Variants in ALKBH8 observed in about 807,000 individuals in gnomAD.
The protein encoded by ALKBH8 is tRNA (carboxymethyluridine(34)-5-O)-methyltransferase ALKBH8.
A neutral mutation model predicts 59.8 loss-of-function variants in ALKBH8; 36 were observed. The observed-to-expected ratio is 0.60, with a 90% CI of 0.46 to 0.79. The LOEUF is 0.79. ALKBH8 is among the 30% of genes least tolerant of loss of function. The probability of loss-of-function intolerance (pLI) is 0.00; values close to 1 mark genes in which losing one functional copy is unlikely to be tolerated. For missense variants in ALKBH8, 768 were observed against 801.0 expected (o/e 0.96, Z 0.50); for synonymous variants, 276 against 273.6 (o/e 1.01, Z -0.09).
Position 107,510,933 on chromosome 11 carries a change from C to G in ALKBH8, c.1391G>C (p.Cys464Ser). The G allele has an allele frequency of 1.9e-6, 3 of 1,551,748 alleles. No individual in the cohort carries two copies. The East Asian group carries it at 7.3e-5, about 38-fold the overall frequency. ...AACAGCAATGGAGATGCAGGCATCA[C>G]AAGACCCACTGCGGACTGGTACTGC... ...ALAVPVRSGS[C>S]DACISIAVIH... The change falls in exon 11 of 12, where the codon TGT becomes TCT. Residue 464 changes from cysteine to serine, a missense_variant. Coordinates refer to ENST00000428149, the MANE Select transcript of ALKBH8 (RefSeq NM_138775.3).
chr11:107,541,456 CT>C (rs1414526292), intron 7 of ALKBH8, among the ~76,000 whole-genome samples: 4 of 152,154 alleles, frequency 2.6e-5, no homozygotes, highest in Non-Finnish European at 5.9e-5. Context: ...TACACATAGT[CT>C]TTAACTTCTT....
chr11:107,540,096 A>G (rs1440220909), intron 7 of ALKBH8, among the ~76,000 whole-genome samples: 1 of 152,068 alleles, frequency 6.6e-6, no homozygotes, highest in African/African-American at 2.4e-5. Context: ...TGAGAGGCAG[A>G]ACATCGTTTG....
At chr11:107,542,876 C>T (rs1175554099) in intron 7 of ALKBH8, among the ~76,000 whole-genome samples, 1 of 152,150 alleles carries the variant, frequency 6.6e-6, no homozygotes, top group Non-Finnish European at 1.5e-5. Flanking sequence ...TGCCACTGCA[C>T]TCCAGCCTGG....
intron 8 of ALKBH8, among the ~76,000 whole-genome samples, chr11:107,529,272 G>C (rs1015193834): frequency 6.6e-6 from 1 of 152,100 alleles, no homozygotes; most frequent in African/African-American, 2.4e-5. Flanking sequence ...AAAGTTTTTA[G>C]AACAATGCCT....
Position 107,549,828 on chromosome 11 carries a change from G to A in ALKBH8, c.701-5C>T. 6.5e-7 allele frequency: 1 copy of A among 1,541,818 alleles called. No individual in the cohort carries two copies. The highest frequency in any genetic ancestry group is 8.8e-7 in the Non-Finnish European group (1 of 1,138,572). ...TATCAATATGAGCGGGAATTCCTGA[G>A]ATGGAAAACAGGACAACACGTCACT... On this transcript the variant is annotated splice_region_variant and splice_polypyrimidine_tract_variant and intron_variant, in intron 6 of 11. Transcript: ENST00000428149.
In ALKBH8 at chr11:107,549,840, G is replaced by A. The variant is rs202145795; in HGVS notation, c.701-17C>T. On this transcript the variant is annotated splice_polypyrimidine_tract_variant and intron_variant, in intron 6 of 11. Transcript: ENST00000428149. ...CGGGAATTCCTGAGATGGAAAACAG[G>A]ACAACACGTCACTTCATTTTTTCCT... The A allele has an allele frequency of 1.6e-4, 247 of 1,514,100 alleles. No individual in the cohort carries two copies. The highest frequency in any genetic ancestry group is 1.6e-4 in the Admixed American group (8 of 50,562). 93.8% of individuals were successfully genotyped at this position (1,514,100 alleles called of 1,614,324 possible).
At chr11:107,565,509 C>G (rs1865096605) in intron 1 of ALKBH8, 92 bp downstream of exon 1, 1 of 1,523,358 alleles carries the variant, frequency 6.6e-7, no homozygotes, top group African/African-American at 1.4e-5. Flanking sequence ...TCAGCCCTAG[C>G]TGGCAAGGCG....
chr11:107,555,153 G>A (rs1404829527), intron 3 of ALKBH8, among the ~76,000 whole-genome samples: 6 of 152,056 alleles, frequency 3.9e-5, no homozygotes, highest in African/African-American at 9.7e-5. Context: ...TCAGCTTCTC[G>A]GGAGGCTGAG....
intron 7 of ALKBH8, among the ~76,000 whole-genome samples, chr11:107,545,300 A>G (rs1565339684): frequency 6.6e-6 from 1 of 152,200 alleles, no homozygotes; most frequent in Non-Finnish European, 1.5e-5. Context: ...TTAAAACAAT[A>G]AACTCTTAGA....
chr11:107,551,796 A>C lies in ALKBH8; in HGVS notation c.700+12T>G. ...AATATGTGACTAAAATTTTTGAACA[A>C]GAAATACTCACCTTGCCCAGGTTCA... On this transcript the variant is annotated intron_variant, in intron 6 of 11. Transcript: ENST00000428149. 1 of 1,519,670 alleles carries C rather than the reference A, an allele frequency of 6.6e-7. No individual in the cohort carries two copies. The highest frequency in any genetic ancestry group is 8.8e-7 in the Non-Finnish European group (1 of 1,138,646). 94.1% of individuals were successfully genotyped at this position (1,519,670 alleles called of 1,614,324 possible).
Position 107,505,164 on chromosome 11 carries a change from C to T in ALKBH8, c.1489G>A (p.Gly497Arg). Residue 497 changes from glycine to arginine, a missense_variant, in exon 12 of 12, where the codon GGG becomes AGG. Physicochemically the swap from Gly to Arg is moderately radical, Grantham distance 125 (BLOSUM62 -2). Transcript: ENST00000428149. ...GCCCAGACATAAATGAGTGCCTTCC[C>T]ACCTGGTCTCAGGAGTCGAACAATT... Reference protein sequence around the residue: ...QEIVRLLRPGGKALIYVWAME... With the variant: ...QEIVRLLRPGRKALIYVWAME... 1 of 1,550,740 alleles carries T rather than the reference C, an allele frequency of 6.4e-7. No individual in the cohort carries two copies. Among genetic ancestry groups the T allele is most frequent in the Non-Finnish European group, 8.7e-7 (1 of 1,146,622 alleles).
chr11:107,515,601 C>T (rs983095960), intron 10 of ALKBH8, among the ~76,000 whole-genome samples: 3 of 152,158 alleles, frequency 2.0e-5, no homozygotes, highest in African/African-American at 7.2e-5. Flanking sequence ...AGGCAGTCTT[C>T]CCACCTCGGC....
At position 107,531,433 on chromosome 11, in the gene ALKBH8, A is replaced by G. The variant is rs147218389; in HGVS notation, c.878+867T>C. ...ACAAACTCAAATTGCAAAACATTCT[A>G]TAACACAACCGGCCTCCTCAAAAGA... On this transcript the variant is annotated intron_variant, in intron 8 of 11. Transcript: ENST00000428149. Among the ~76,000 whole-genome samples the G allele has an allele frequency of 3.9e-5, 6 of 152,312 alleles. No homozygotes were observed. The East Asian group carries it at 1.2e-3, about 29-fold the overall frequency.
intron 10 of ALKBH8, among the ~76,000 whole-genome samples, chr11:107,512,300 A>AG (rs57492579): frequency 0.57 from 73,297 of 129,062 alleles, 18,603 homozygotes; most frequent in Non-Finnish European, 0.61. Context: ...TTTTATTTTA[A>AG]GGGTTTTTTT....
intron 1 of ALKBH8, among the ~76,000 whole-genome samples, chr11:107,561,864 A>G (rs1221140980): frequency 1.3e-5 from 2 of 152,232 alleles, no homozygotes; most frequent in Non-Finnish European, 2.9e-5. Flanking sequence ...GCATGCAACC[A>G]TAATAAAGTA....
intron 9 of ALKBH8, 118 bp from the exon 10 acceptor site, chr11:107,522,673 T>A: frequency 2.5e-6 from 3 of 1,213,286 alleles, no homozygotes; most frequent in South Asian, 3.2e-5. Flanking sequence ...AGACTCTGAT[T>A]TATCCGTTAA....
rs1286658659 is a variant in ALKBH8, at chr11:107,511,045, G to A, written c.1288-9C>T. The A allele has an allele frequency of 6.4e-7, 1 of 1,550,894 alleles. No individual in the cohort carries two copies. ...CTACGATCACAACCAATCTGTAACAGAGAAGGAATTCCATAACATTTTGTT... is the reference window on the plus strand; with the variant it reads ...CTACGATCACAACCAATCTGTAACAAAGAAGGAATTCCATAACATTTTGTT... On this transcript the variant is annotated splice_polypyrimidine_tract_variant and intron_variant, in intron 10 of 11. Coordinates refer to ENST00000428149, the MANE Select transcript of ALKBH8 (RefSeq NM_138775.3).
intron 6 of ALKBH8, among the ~76,000 whole-genome samples, chr11:107,550,833 A>G (rs1864460092): frequency 6.6e-6 from 1 of 152,212 alleles, no homozygotes; most frequent in African/African-American, 2.4e-5. Flanking sequence ...AGGACATGTG[A>G]GGACATTGAG....
At chr11:107,534,279 ATATT>A (rs1243707007) in intron 7 of ALKBH8, among the ~76,000 whole-genome samples, 2 of 152,214 alleles carry the variant, frequency 1.3e-5, no homozygotes, top group Admixed American at 6.5e-5. Context: ...AATAATGAGC[ATATT>A]TATTATTAGA....
Sources: gnomAD v4.1 joint callset for allele counts (sites outside exome capture counted in the v4.1 genomes callset) on GRCh38, gnomAD v4.1.1 for gene constraint, MANE v1.5 for transcripts, NCBI Gene and HGNC (gene_info 2026-07-23, HGNC 2026-07-21) for gene names.